ZNF516: variants seen among roughly 807,000 people sequenced by gnomAD.
ZNF516 encodes zinc finger protein 516.
A neutral mutation model predicts 79.7 loss-of-function variants in ZNF516; 19 were observed. The observed-to-expected ratio is 0.24, with a 90% CI of 0.17 to 0.35. The LOEUF (loss-of-function observed/expected upper bound fraction) is 0.35. ZNF516 is among the 10% of genes least tolerant of loss of function. The pLI, the probability that ZNF516 is intolerant of heterozygous loss-of-function variation, is 1.00. For missense variants in ZNF516, 1,678 were observed against 1,679.5 expected (o/e 1.00, Z 0.02); for synonymous variants, 877 against 739.5 (o/e 1.19, Z -3.02).
At chr18:76,473,903 T>TGTGTGGGG (rs58634236) in intron 1 of ZNF516, among the ~76,000 whole-genome samples, 1 of 54,168 alleles carries the variant, frequency 1.8e-5, no homozygotes, top group Non-Finnish European at 3.2e-5. Flanking sequence ...TGTTTTTGTG[T>TGTGTGGGG]GGGGGGGGGG....
rs2074507543 is a variant in ZNF516, at chr18:76,360,031, G to GA, written c.*2466dup. The GA allele has an allele frequency of 1.3e-5, 2 of 152,272 alleles. No individual in the cohort carries two copies. Among genetic ancestry groups the GA allele is most frequent in the Non-Finnish European group, 2.9e-5 (2 of 68,092 alleles). The allele number at this position is 152,272 out of a possible 1,614,324, so 9.4% of individuals were successfully genotyped here. A position where few individuals can be genotyped will look rare whatever the true frequency, so the allele number is the denominator to read the frequency against. ...GGCTCCCCAGTCTGTTTAACTGGGT[G>GA]AAAACCTTCCTCCTGCACTCTGTGC... On this transcript the variant is annotated 3_prime_UTR_variant, in exon 7 of 7. Transcript: ENST00000443185.
intron 3 of ZNF516, among the ~76,000 whole-genome samples, chr18:76,416,280 C>G (rs1449504431): frequency 6.6e-6 from 1 of 152,210 alleles, no homozygotes; most frequent in African/African-American, 2.4e-5. Flanking sequence ...TTTCGTATCG[C>G]ACACCAGGAA....
intron 1 of ZNF516, among the ~76,000 whole-genome samples, chr18:76,472,489 G>T (rs983329546): frequency 6.6e-6 from 1 of 152,210 alleles, no homozygotes; most frequent in South Asian, 2.1e-4. Flanking sequence ...GTACACTCAG[G>T]CACACTTACA....
intron 4 of ZNF516, among the ~76,000 whole-genome samples, chr18:76,374,460 C>T (rs2074754832): frequency 1.3e-5 from 2 of 152,186 alleles, no homozygotes; most frequent in African/African-American, 2.4e-5. Flanking sequence ...TTCTTTCCTT[C>T]CTGTTTGGGT....
At position 76,358,752 on chromosome 18, in the gene ZNF516, G is replaced by C. The variant is rs2074491167; in HGVS notation, c.*3746C>G. 6.6e-6 allele frequency: 1 copy of C among 152,278 alleles called. No individual in the cohort carries two copies. Among genetic ancestry groups the C allele is most frequent in the South Asian group, 2.1e-4 (1 of 4,826 alleles). The allele number at this position is 152,278 out of a possible 1,614,324, so 9.4% of individuals were successfully genotyped here. A position where few individuals can be genotyped will look rare whatever the true frequency, so the allele number is the denominator to read the frequency against. On this transcript the variant is annotated 3_prime_UTR_variant, in exon 7 of 7. Transcript: ENST00000443185. ...CTTGGAAACCTCTGAGAATTTGCTG[G>C]GGGTGGCAGAGGAGGGTTTGTCTAG...
At chr18:76,422,265 G>A (rs1002096090) in intron 3 of ZNF516, among the ~76,000 whole-genome samples, 3 of 151,968 alleles carry the variant, frequency 2.0e-5, no homozygotes. Flanking sequence ...CCACAGCCAC[G>A]CAGAAGAGCC....
rs184712462 is a variant in ZNF516, at chr18:76,460,754, C to T, written c.-158+2274G>A. Among the ~76,000 whole-genome samples, 32 of 152,314 alleles carry T rather than the reference C, an allele frequency of 2.1e-4. No individual in the cohort carries two copies. In the East Asian group the frequency reaches 5.8e-3, roughly 28 times the overall value. On this transcript the variant is annotated intron_variant, in intron 2 of 6. Transcript: ENST00000443185. ...AGAGCACACCCCGAGAGAGAGATCA[C>T]TTGCAAAAAGCTACAGTGAAAATAA... is the stretch of plus-strand genomic sequence containing the variant.
intron 1 of ZNF516, among the ~76,000 whole-genome samples, chr18:76,479,805 G>A (rs537914704): frequency 7.3e-4 from 111 of 152,308 alleles, no homozygotes; most frequent in Middle Eastern, 3.4e-3. Context: ...GTGGTCTCCC[G>A]AAGAGACGCC....
In ZNF516 at chr18:76,432,384, A is replaced by AC. The variant is rs199728670; in HGVS notation, c.1810+8860dup. Among the ~76,000 whole-genome samples the AC allele has an allele frequency of 8.2e-3, 1,253 of 152,330 alleles. 6 individuals carry two copies. The highest frequency in any genetic ancestry group is 0.044 in the Middle Eastern group (13 of 294). On this transcript the variant is annotated intron_variant, in intron 3 of 6. Coordinates refer to ENST00000443185, the MANE Select transcript of ZNF516 (RefSeq NM_014643.4). ...TGCCAACACCGTGCAAAGCACCAGCACCACCGCTACGTTCTCACCCCATCG... is the reference window on the plus strand; with the variant it reads ...TGCCAACACCGTGCAAAGCACCAGCACCCACCGCTACGTTCTCACCCCATCG...
chr18:76,447,738 G>GTT (rs1912144049), intron 2 of ZNF516, among the ~76,000 whole-genome samples: 1 of 152,166 alleles, frequency 6.6e-6, no homozygotes, highest in Non-Finnish European at 1.5e-5. Context: ...CAGATTTGTT[G>GTT]TTCTGGTAAG....
upstream of ZNF516, chr18:76,495,929 G>A (rs995511730): frequency 3.4e-5 from 11 of 326,616 alleles, no homozygotes; most frequent in African/African-American, 2.5e-4. Flanking sequence ...ACTTCAAACA[G>A]CGGCTCTGCC....
chr18:76,471,186 T>C (rs1432806194), intron 1 of ZNF516, among the ~76,000 whole-genome samples: 4 of 151,932 alleles, frequency 2.6e-5, no homozygotes, highest in African/African-American at 7.3e-5. Context: ...TCTAAAAGTA[T>C]GCATATCTGG....
At chr18:76,362,618 G>A (rs989098271) in intron 6 of ZNF516, 61 bp from the exon 7 acceptor site, 2 of 1,493,768 alleles carry the variant, frequency 1.3e-6, no homozygotes, top group Non-Finnish European at 1.8e-6. Flanking sequence ...GTTTCTAAAT[G>A]CATTTTTCCT....
rs1441845017 is a variant in ZNF516, at chr18:76,442,847, G to T, written c.208C>A (p.Arg70=). The T allele has an allele frequency of 1.2e-6, 2 of 1,613,296 alleles. No individual in the cohort carries two copies. Among genetic ancestry groups the T allele is most frequent in the South Asian group, 2.2e-5 (2 of 90,888 alleles). ...KPYKCPYCDH[R]ASQKGNLKIH... is the part of the protein sequence containing the mutation. ...TTCAGGTTGCCCTTCTGGGAAGCCC[G>T]GTGGTCGCAGTAGGGACACTTGTAG... The change falls in exon 3 of 7, where the codon CGG becomes AGG. Residue 70 remains arginine (R), a synonymous_variant. Transcript: ENST00000443185.
At chr18:76,387,763 T>C (rs1271286227) in intron 3 of ZNF516, 1 of 152,218 alleles carries the variant, frequency 6.6e-6, no homozygotes, top group African/African-American at 2.4e-5. Context: ...CATTCCTGAA[T>C]CTGACATGGA....
chr18:76,444,023 G>C (rs111999943), intron 2 of ZNF516, among the ~76,000 whole-genome samples: 2,385 of 152,334 alleles, frequency 0.016, 29 homozygotes, highest in Middle Eastern at 0.041. Flanking sequence ...TGTCCAGCAC[G>C]GAACAGGCCC....
intron 3 of ZNF516, among the ~76,000 whole-genome samples, chr18:76,381,429 T>A (rs1217744588): frequency 1.3e-5 from 2 of 152,208 alleles, no homozygotes; most frequent in African/African-American, 2.4e-5. Context: ...TGTCTCCGTA[T>A]AAGGCCCCAA....
chr18:76,412,275 G>T (rs529701468), intron 3 of ZNF516, among the ~76,000 whole-genome samples: 5 of 152,296 alleles, frequency 3.3e-5, no homozygotes, highest in Middle Eastern at 6.8e-3. Context: ...ACACCCTGGC[G>T]ATGCTCTCCT....
At chr18:76,420,744 T>TA (rs781146426) in intron 3 of ZNF516, among the ~76,000 whole-genome samples, 129 of 151,006 alleles carry the variant, frequency 8.5e-4, no homozygotes, top group East Asian at 2.3e-3. Flanking sequence ...TCTATATATA[T>TA]AAAAAAAAAC....
Sources: allele counts gnomAD v4.1 joint callset (sites outside exome capture counted in the v4.1 genomes callset), GRCh38; gene constraint gnomAD v4.1.1; transcripts MANE v1.5; gene names NCBI Gene and HGNC (gene_info 2026-07-23, HGNC 2026-07-21).